Variants in FBXO42 observed in about 807,000 individuals in gnomAD.
FBXO42 encodes the protein F-box protein 42.
FBXO42 carries 12 observed loss-of-function variants against 71.7 expected under a neutral mutation model. The ratio of observed to expected loss-of-function variants is 0.17; its 90% CI spans 0.11 to 0.27. The LOEUF (loss-of-function observed/expected upper bound fraction) is 0.27. Ranked by LOEUF, FBXO42 falls within the 10% of genes least tolerant of loss-of-function variation. FBXO42 has a pLI of 1.00. For synonymous variants in FBXO42, 325 were observed against 327.5 expected (o/e 0.99, Z 0.08); for missense variants, 707 against 911.9 (o/e 0.78, Z 2.89).
intron 1 of FBXO42, among the ~76,000 whole-genome samples, chr1:16,332,143 T>G (rs6658771): frequency 0.026 from 3,988 of 152,264 alleles, 174 homozygotes; most frequent in African/African-American, 0.089. Flanking sequence ...ACAGCATATG[T>G]TTTGTTCATT....
At chr1:16,259,351 G>GA (rs1195733861) in intron 4 of FBXO42, among the ~76,000 whole-genome samples, 1 of 152,028 alleles carries the variant, frequency 6.6e-6, no homozygotes, top group Non-Finnish European at 1.5e-5. Context: ...TTAGAAAAAA[G>GA]AAAAAACAAA....
intron 6 of FBXO42, among the ~76,000 whole-genome samples, chr1:16,254,956 T>C (rs1434045218): frequency 6.6e-6 from 1 of 152,222 alleles, no homozygotes; most frequent in East Asian, 1.9e-4. Flanking sequence ...TTCTTTCTTT[T>C]CATGCCCTTT....
intron 1 of FBXO42, among the ~76,000 whole-genome samples, chr1:16,316,169 C>CAAAAAAAAAAAAAAA (rs58485035): frequency 9.2e-6 from 1 of 109,072 alleles, no homozygotes; most frequent in African/African-American, 3.6e-5. Flanking sequence ...ACCTCCATCT[C>CAAAAAAAAAAAAAAA]AAAAAAAAAA....
chr1:16,263,442 G>GA (rs1208546847), intron 4 of FBXO42, among the ~76,000 whole-genome samples: 1 of 151,122 alleles, frequency 6.6e-6, no homozygotes, highest in Non-Finnish European at 1.5e-5. Context: ...GACTCCATCA[G>GA]AAAAAAGAGT....
In FBXO42 at chr1:16,251,086, G is replaced by A; in HGVS notation, c.1738C>T (p.Pro580Ser). ...GPSASAALSP[P>S]LGSSPGSPGS... ...GGAGAGCCTGGAGAAGACCCAAGAG[G>A]AGGACTTAGTGCTGCAGAGGCCGAG... Residue 580 changes from proline to serine, a missense_variant, in exon 10 of 10, where the codon CCT becomes TCT. Around this residue, in one of 5 missense-constraint regions of FBXO42, gnomAD observed 482 missense variants for 587.1 expected, o/e 0.82. Transcript: ENST00000375592. This position sits in a 1 kb window ranked among gnomAD's most constrained non-coding sequence, Gnocchi z 4.5. The A allele has an allele frequency of 1.2e-6, 2 of 1,614,214 alleles. No homozygotes were observed. The highest frequency in any genetic ancestry group is 1.1e-5 in the South Asian group (1 of 91,078).
At chr1:16,262,887 T>C (rs889367832) in intron 4 of FBXO42, among the ~76,000 whole-genome samples, 1 of 151,996 alleles carries the variant, frequency 6.6e-6, no homozygotes, top group Non-Finnish European at 1.5e-5. Flanking sequence ...TTTTTTGTAA[T>C]TTTAGTAGAG....
intron 1 of FBXO42, among the ~76,000 whole-genome samples, chr1:16,322,117 C>T (rs1329682484): frequency 2.0e-5 from 3 of 152,054 alleles, no homozygotes; most frequent in Non-Finnish European, 4.4e-5. Context: ...GTAGATCCTA[C>T]CTTTATATGT....
At position 16,247,281 on chromosome 1, in the gene FBXO42, T is replaced by TC. The variant is rs1285651970; in HGVS notation, c.*3388dup. 6.6e-6 allele frequency: 1 copy of TC among 152,184 alleles called. No individual in the cohort carries two copies. The highest frequency in any genetic ancestry group is 1.5e-5 in the Non-Finnish European group (1 of 68,092). The allele number at this position is 152,184 out of a possible 1,614,324, so 9.4% of individuals were successfully genotyped here. On this transcript the variant is annotated 3_prime_UTR_variant, in exon 10 of 10. Transcript: ENST00000375592. ...CTCACCACCAGGCGTGGTTAGATCC[T>TC]CCCCACTGACTTGTGCGCTGGTAAG...
chr1:16,254,416 A>G (rs1210927039), intron 6 of FBXO42, among the ~76,000 whole-genome samples: 2 of 152,232 alleles, frequency 1.3e-5, no homozygotes, highest in African/African-American at 2.4e-5. Flanking sequence ...TAATTGCACA[A>G]TGACTAATGA....
intron 4 of FBXO42, among the ~76,000 whole-genome samples, chr1:16,278,364 A>C (rs1039120918): frequency 1.7e-4 from 26 of 152,068 alleles, no homozygotes; most frequent in Non-Finnish European, 2.9e-4. Context: ...TCTCAAAAAA[A>C]AAAACAAAAA....
chr1:16,290,345 T>C (rs1440783898), intron 4 of FBXO42, among the ~76,000 whole-genome samples: 4 of 151,966 alleles, frequency 2.6e-5, no homozygotes, highest in African/African-American at 9.7e-5. Context: ...TGGAAGACAA[T>C]GAGGTTTAGA....
chr1:16,320,360 CAAAAA>C (rs35441053), intron 1 of FBXO42, among the ~76,000 whole-genome samples: 10 of 113,486 alleles, frequency 8.8e-5, no homozygotes, highest in African/African-American at 2.8e-4. Flanking sequence ...AACTCCATGT[CAAAAA>C]AAAAAAAAAA....
chr1:16,326,382 G>A (rs943084095), intron 1 of FBXO42, among the ~76,000 whole-genome samples: 1 of 149,650 alleles, frequency 6.7e-6, no homozygotes, highest in South Asian at 2.2e-4. Flanking sequence ...AACTACTCGA[G>A]TTTTAAAATT....
intron 4 of FBXO42, among the ~76,000 whole-genome samples, chr1:16,287,841 T>C (rs1035562717): frequency 3.3e-5 from 5 of 151,924 alleles, no homozygotes; most frequent in East Asian, 3.9e-4. Context: ...CCCAGCACTT[T>C]GGGAAGCCGG....
chr1:16,326,228 T>C (rs1569927664), intron 1 of FBXO42, among the ~76,000 whole-genome samples: 1 of 151,128 alleles, frequency 6.6e-6, no homozygotes, highest in East Asian at 2.0e-4. Context: ...GCTAATTTTG[T>C]ATTTTTTCGC....
chr1:16,348,338 G>A (rs1569958719), intron 1 of FBXO42, among the ~76,000 whole-genome samples: 1 of 150,084 alleles, frequency 6.7e-6, no homozygotes, highest in East Asian at 1.9e-4. Context: ...TAAATAACTT[G>A]TACTGGGATA....
At chr1:16,301,450 C>T (rs866400692) in intron 3 of FBXO42, among the ~76,000 whole-genome samples, 1 of 151,706 alleles carries the variant, frequency 6.6e-6, no homozygotes, top group Non-Finnish European at 1.5e-5. Context: ...ATTTCTTGAG[C>T]CCAGGAGTTT....
intron 1 of FBXO42, among the ~76,000 whole-genome samples, chr1:16,322,589 A>G (rs973503866): frequency 1.3e-5 from 2 of 152,162 alleles, no homozygotes; most frequent in African/African-American, 4.8e-5. Context: ...ATACAAAAAA[A>G]ATTTTAAAAA....
In FBXO42 at chr1:16,305,852, G is replaced by A. The variant is rs760820261; in HGVS notation, c.318C>T (p.Ser106=). ...GGGTTCCAGGATAAGGATAGGTACG[G>A]CTCTCCCACTGAATGTTTCCTTCCT... ...AVQEGNIQWE[S]RTYPYPGTPI... Residue 106 remains serine (S), a synonymous_variant, in exon 3 of 10, where the codon AGC becomes AGT. Coordinates refer to ENST00000375592, the MANE Select transcript of FBXO42 (RefSeq NM_018994.3). The A allele has an allele frequency of 2.5e-5, 41 of 1,613,998 alleles. No homozygotes were observed. In the Middle Eastern group the frequency reaches 8.2e-4, roughly 32 times the overall value.
Sources: allele counts gnomAD v4.1 joint callset (sites outside exome capture counted in the v4.1 genomes callset), GRCh38; gene constraint gnomAD v4.1.1; regional missense constraint gnomAD v4.1.1; non-coding constraint Gnocchi (gnomAD v3.1); transcripts MANE v1.5; gene names NCBI Gene and HGNC (gene_info 2026-07-23, HGNC 2026-07-21).